The following BABAM2 variants were observed in gnomAD, a reference collection of about 807,000 sequenced individuals.
BABAM2 encodes the protein BRISC and BRCA1-A complex member 2.
In BABAM2, 31 loss-of-function variants were observed where a neutral mutation model predicts 54.7. The ratio of observed to expected loss-of-function variants is 0.57; its 90% CI spans 0.43 to 0.77. BABAM2 has a LOEUF of 0.77. Among genes scored for constraint, BABAM2 ranks in the 30% least tolerant of loss-of-function variants. The pLI, the probability that BABAM2 is intolerant of heterozygous loss-of-function variation, is 0.00. For synonymous variants in BABAM2, 167 were observed against 162.9 expected (o/e 1.03, Z -0.19); for missense variants, 364 against 455.8 (o/e 0.80, Z 1.83).
chr2:28,187,206 G>A (rs1676405376), intron 7 of BABAM2, among the ~76,000 whole-genome samples: 1 of 152,132 alleles, frequency 6.6e-6, no homozygotes, highest in South Asian at 2.1e-4. Context: ...TCTCTCATGA[G>A]CACCTCTGCA....
intron 3 of BABAM2, among the ~76,000 whole-genome samples, chr2:27,955,060 T>C (rs1471999234): frequency 6.6e-6 from 1 of 152,080 alleles, no homozygotes; most frequent in Non-Finnish European, 1.5e-5. Flanking sequence ...CCAAAAAGCT[T>C]TGTACAAGAT....
At chr2:28,260,462 C>T (rs561050224) in intron 10 of BABAM2, among the ~76,000 whole-genome samples, 23 of 149,324 alleles carry the variant, frequency 1.5e-4, no homozygotes, top group East Asian at 1.2e-3. Context: ...CCACCACGCC[C>T]GGCTAATTTT....
chr2:28,316,804 C>T (rs1051049210), intron 11 of BABAM2, among the ~76,000 whole-genome samples: 1 of 152,126 alleles, frequency 6.6e-6, no homozygotes, highest in Admixed American at 6.5e-5. Context: ...TGCACTGTGC[C>T]CTGGCAATCC....
intron 7 of BABAM2, among the ~76,000 whole-genome samples, chr2:28,229,089 T>C (rs1255819320): frequency 6.6e-6 from 1 of 152,186 alleles, no homozygotes; most frequent in African/African-American, 2.4e-5. Context: ...GTTTAATAAA[T>C]ATTCCTGGAA....
rs1691613132 is a variant in BABAM2, at chr2:28,337,940, T to C, written c.1089-510T>C. ...AGGTCAGAGTTACAGTGTGCTGTGGTTGGACCACTGAACTCCAGCCTGGCT... is the reference window on the plus strand; with the variant it reads ...AGGTCAGAGTTACAGTGTGCTGTGGCTGGACCACTGAACTCCAGCCTGGCT... On this transcript the variant is annotated intron_variant, in intron 11 of 11. Coordinates refer to ENST00000379624, the MANE Select transcript of BABAM2 (RefSeq NM_199191.3). 2.0e-5 allele frequency among the ~76,000 whole-genome samples: 3 copies of C among 152,298 alleles called. No individual in the cohort carries two copies. In the South Asian group the frequency reaches 6.2e-4, roughly 32 times the overall value.
At chr2:28,055,346 T>C (rs1678316237) in intron 6 of BABAM2, among the ~76,000 whole-genome samples, 2 of 152,130 alleles carry the variant, frequency 1.3e-5, no homozygotes, top group Admixed American at 1.3e-4. Flanking sequence ...AAATAATCTG[T>C]ATACCAAACC....
intron 7 of BABAM2, among the ~76,000 whole-genome samples, chr2:28,177,116 A>T (rs977182418): frequency 1.3e-5 from 2 of 152,162 alleles, no homozygotes; most frequent in Non-Finnish European, 2.9e-5. Flanking sequence ...TGATAGTCAA[A>T]CTATCAAAAG....
intron 6 of BABAM2, among the ~76,000 whole-genome samples, chr2:28,095,214 C>T (rs933596832): frequency 2.0e-5 from 3 of 152,112 alleles, no homozygotes; most frequent in African/African-American, 7.2e-5. Context: ...TTAAGTCAAC[C>T]ACTGGGAGTG....
intron 11 of BABAM2, among the ~76,000 whole-genome samples, chr2:28,335,627 T>C (rs1447370666): frequency 6.6e-6 from 1 of 152,224 alleles, no homozygotes; most frequent in Admixed American, 6.5e-5. Flanking sequence ...TGCTCCCGCT[T>C]TCCAGGGGCT....
intron 6 of BABAM2, among the ~76,000 whole-genome samples, chr2:28,076,437 A>G (rs1057331809): frequency 1.3e-5 from 2 of 151,656 alleles, no homozygotes; most frequent in African/African-American, 4.8e-5. Flanking sequence ...ATCCTAGATA[A>G]CCATTGAAAA....
chr2:28,229,335 T>C (rs1456971710), intron 7 of BABAM2, among the ~76,000 whole-genome samples: 3 of 152,206 alleles, frequency 2.0e-5, no homozygotes, highest in Non-Finnish European at 4.4e-5. Flanking sequence ...TGCTCTCATC[T>C]GTAAGATGGG....
At chr2:28,052,960 C>T (rs1222482120) in intron 6 of BABAM2, among the ~76,000 whole-genome samples, 1 of 152,136 alleles carries the variant, frequency 6.6e-6, no homozygotes, top group African/African-American at 2.4e-5. Context: ...TGAATTCTTG[C>T]ATTGTCTTTT....
intron 7 of BABAM2, among the ~76,000 whole-genome samples, chr2:28,143,118 T>C (rs1297859987): frequency 6.6e-6 from 1 of 151,026 alleles, no homozygotes; most frequent in Non-Finnish European, 1.5e-5. Flanking sequence ...AACCTAATTG[T>C]CCACTGACAG....
chr2:27,905,561 ATGT>A (rs1333695624), intron 2 of BABAM2, among the ~76,000 whole-genome samples: 2 of 152,106 alleles, frequency 1.3e-5, no homozygotes, highest in African/African-American at 2.4e-5. Context: ...ATATTATTGT[ATGT>A]TGTTATATAT....
At chr2:27,890,271 C>T (rs762050106), upstream of BABAM2, 1 of 1,613,682 alleles carries the variant, frequency 6.2e-7, no homozygotes, top group East Asian at 2.2e-5. The surrounding 1 kb of genome is among the most constrained non-coding windows in gnomAD (Gnocchi z 4.8). Context: ...CCAGGTCGGT[C>T]ATGCAGGAGC....
At chr2:28,077,765 T>C (rs530243660) in intron 6 of BABAM2, among the ~76,000 whole-genome samples, 1 of 152,272 alleles carries the variant, frequency 6.6e-6, no homozygotes, top group South Asian at 2.1e-4. Context: ...CACTATATCA[T>C]GTTATCAGAC....
intron 6 of BABAM2, among the ~76,000 whole-genome samples, chr2:28,055,972 A>G (rs761620370): frequency 6.6e-5 from 10 of 152,346 alleles, no homozygotes; most frequent in East Asian, 1.9e-4. Context: ...TATGATGCTA[A>G]GTGGAATAAG....
intron 7 of BABAM2, among the ~76,000 whole-genome samples, chr2:28,132,478 C>A (rs921408007): frequency 2.0e-4 from 30 of 152,080 alleles, no homozygotes; most frequent in Non-Finnish European, 2.9e-4. Context: ...ACAGCATACC[C>A]TTTTAGATCA....
intron 3 of BABAM2, among the ~76,000 whole-genome samples, chr2:27,950,043 G>T (rs1669587767): frequency 1.3e-5 from 2 of 152,110 alleles, no homozygotes; most frequent in Non-Finnish European, 2.9e-5. Flanking sequence ...TTTCCAGTTG[G>T]CCCTGAAGTT....
Sources: allele counts gnomAD v4.1 joint callset (sites outside exome capture counted in the v4.1 genomes callset), GRCh38; gene constraint gnomAD v4.1.1; non-coding constraint Gnocchi (gnomAD v3.1); transcripts MANE v1.5; gene names NCBI Gene and HGNC (gene_info 2026-07-23, HGNC 2026-07-21).